The following ITGA9 variants were observed in gnomAD, a reference collection of about 807,000 sequenced individuals.
ITGA9 encodes integrin subunit alpha 9, also known as integrin alpha-9.
ITGA9 carries 56 observed loss-of-function variants against 127.8 expected under a neutral mutation model. The ratio of observed to expected loss-of-function variants is 0.44; its 90% CI spans 0.35 to 0.55. The LOEUF is 0.55. Ranked by LOEUF, ITGA9 falls within the 20% of genes least tolerant of loss-of-function variation. The pLI, the probability that ITGA9 is intolerant of heterozygous loss-of-function variation, is 0.00. For synonymous variants in ITGA9, 508 were observed against 514.5 expected, an observed-to-expected ratio of 0.99 and a Z score of 0.17; for missense variants, 1,196 against 1,347.1, an observed-to-expected ratio of 0.89 and a Z score of 1.76.
chr3:37,770,354 A>G (rs1028784257), intron 23 of ITGA9, among the ~76,000 whole-genome samples: 3 of 152,114 alleles, frequency 2.0e-5, no homozygotes, highest in African/African-American at 7.2e-5. Context: ...GACACTTAGA[A>G]AAAAGATCAG....
chr3:37,753,601 G>GT (rs1254415381), intron 23 of ITGA9: 1 of 152,256 alleles, frequency 6.6e-6, no homozygotes, highest in Non-Finnish European at 1.5e-5. Context: ...ATAGGCAAGA[G>GT]TAAGTGTTCC....
chr3:37,523,608 C>G lies in ITGA9; in HGVS notation c.1324C>G (p.Pro442Ala). The G allele has an allele frequency of 6.2e-7, 1 of 1,608,470 alleles. No homozygotes were observed. The highest frequency in any genetic ancestry group is 2.2e-5 in the East Asian group (1 of 44,844). ...GGIDMDGNGY[P>A]DVTVGAFMSD... Reference sequence around the variant, plus strand: ...CATTGATATGGATGGAAATGGCTATCCTGGTAAGCTGTTTTTCTTTAAAGG... The same window carrying G: ...CATTGATATGGATGGAAATGGCTATGCTGGTAAGCTGTTTTTCTTTAAAGG... The change falls in exon 12 of 28, where the codon CCT (proline) becomes GCT (alanine). Residue 442 changes from proline (P) to alanine (A), a missense_variant. By Grantham distance (27) the Pro-to-Ala change is conservative (BLOSUM62 -1). Coordinates refer to ENST00000264741, the MANE Select transcript of ITGA9 (RefSeq NM_002207.3).
intron 10 of ITGA9, among the ~76,000 whole-genome samples, chr3:37,518,092 G>A (rs1019059411): frequency 7.2e-5 from 10 of 138,584 alleles, no homozygotes; most frequent in Middle Eastern, 3.4e-3. Context: ...GAGAGTGTAC[G>A]CGTGTGTGTG....
intron 17 of ITGA9, among the ~76,000 whole-genome samples, chr3:37,669,099 G>T (rs1344143484): frequency 6.6e-6 from 1 of 152,218 alleles, no homozygotes; most frequent in Non-Finnish European, 1.5e-5. Flanking sequence ...TTATGAGCTT[G>T]CTTCCCTGAC....
chr3:37,472,325 T>C (rs1288966040), intron 2 of ITGA9, among the ~76,000 whole-genome samples: 2 of 152,252 alleles, frequency 1.3e-5, no homozygotes, highest in Non-Finnish European at 2.9e-5. Flanking sequence ...TATTTTGTTA[T>C]AATCATGACT....
At chr3:37,776,457 T>A (rs894652190) in intron 23 of ITGA9, among the ~76,000 whole-genome samples, 8 of 152,266 alleles carry the variant, frequency 5.3e-5, no homozygotes, top group African/African-American at 1.7e-4. Flanking sequence ...ATTTAACAGA[T>A]GCCTGTGGTT....
intron 16 of ITGA9, among the ~76,000 whole-genome samples, chr3:37,638,562 T>A (rs1700302914): frequency 6.6e-6 from 1 of 152,102 alleles, no homozygotes; most frequent in South Asian, 2.1e-4. Flanking sequence ...CTTTAACCTG[T>A]GTATATATAC....
At chr3:37,759,081 A>C (rs1385091962) in intron 23 of ITGA9, among the ~76,000 whole-genome samples, 1 of 150,906 alleles carries the variant, frequency 6.6e-6, no homozygotes, top group Non-Finnish European at 1.5e-5. Context: ...ATATACCCAC[A>C]CACACACACA....
intron 14 of ITGA9, among the ~76,000 whole-genome samples, chr3:37,539,740 G>T (rs546609427): frequency 6.6e-6 from 1 of 152,186 alleles, no homozygotes. Flanking sequence ...GCCCAGCCAA[G>T]TTGACACATA....
At chr3:37,696,160 C>T (rs759001099) in intron 18 of ITGA9, among the ~76,000 whole-genome samples, 7 of 152,198 alleles carry the variant, frequency 4.6e-5, no homozygotes, top group Non-Finnish European at 8.8e-5. Flanking sequence ...TGAATTTTCT[C>T]AGCTGGGCAC....
At position 37,762,410 on chromosome 3, in the gene ITGA9, G is replaced by T. The variant is rs1427073185; in HGVS notation, c.2541+11841G>T. ...AGGCTCAGAGCATGACCACAACCAG[G>T]TTTTAATGGCAAGACATGTCATGGG... On this transcript the variant is annotated intron_variant, in intron 23 of 27. Transcript: ENST00000264741. 2.6e-5 allele frequency among the ~76,000 whole-genome samples: 4 copies of T among 152,302 alleles called. No homozygotes were observed. The East Asian group carries it at 7.7e-4, about 29-fold the overall frequency.
intron 15 of ITGA9, among the ~76,000 whole-genome samples, chr3:37,612,281 AAAATACATAGAATT>A (rs1343865274): frequency 1.3e-5 from 2 of 152,200 alleles, no homozygotes; most frequent in Non-Finnish European, 1.5e-5. Context: ...TACATAGAAT[AAAATACATAGAATT>A]ACAAAGAAAT....
chr3:37,804,210 G>T (rs1697267742), intron 27 of ITGA9, among the ~76,000 whole-genome samples: 1 of 152,170 alleles, frequency 6.6e-6, no homozygotes, highest in Non-Finnish European at 1.5e-5. Context: ...AGGATGGTGA[G>T]AACCTAACTC....
intron 19 of ITGA9, among the ~76,000 whole-genome samples, chr3:37,734,385 A>G (rs1696332946): frequency 6.6e-6 from 1 of 152,246 alleles, no homozygotes; most frequent in African/African-American, 2.4e-5. Context: ...TAATAGGCTT[A>G]ACTGGAAAAC....
rs112498190 is a variant in ITGA9, at chr3:37,710,249, G to A, written c.2068-22463G>A. ...TCAGAAAGCTTGCAGTTTGCTCCAC[G>A]TTACAAAGCTAGTAAGTAGCAGAGC... On this transcript the variant is annotated intron_variant, in intron 18 of 27. Transcript: ENST00000264741. 1.4e-4 allele frequency among the ~76,000 whole-genome samples: 21 copies of A among 152,274 alleles called. 1 individual carries two copies. The highest frequency in any genetic ancestry group is 4.8e-4 in the African/African-American group (20 of 41,548).
At chr3:37,694,110 C>T (rs886922756) in intron 18 of ITGA9, among the ~76,000 whole-genome samples, 2 of 152,216 alleles carry the variant, frequency 1.3e-5, no homozygotes, top group African/African-American at 4.8e-5. Flanking sequence ...TCCTGTATAA[C>T]GCCAGGTAGA....
At chr3:37,512,857 C>T (rs1168025623) in intron 8 of ITGA9, among the ~76,000 whole-genome samples, 3 of 152,082 alleles carry the variant, frequency 2.0e-5, no homozygotes, top group African/African-American at 7.2e-5. Flanking sequence ...TGTCACTTGC[C>T]ACATTAATTT....
At chr3:37,467,421 C>T (rs1340343938) in intron 1 of ITGA9, among the ~76,000 whole-genome samples, 1 of 152,082 alleles carries the variant, frequency 6.6e-6, no homozygotes, top group African/African-American at 2.4e-5. Context: ...AAACTTTGTC[C>T]CTGTCAGTCT....
intron 15 of ITGA9, among the ~76,000 whole-genome samples, chr3:37,616,322 C>A (rs1051290015): frequency 7.9e-5 from 12 of 152,186 alleles, no homozygotes; most frequent in Non-Finnish European, 1.6e-4. Context: ...GCACTGTGGT[C>A]TGAGAGACAG....
Sources: allele counts gnomAD v4.1 joint callset (sites outside exome capture counted in the v4.1 genomes callset), GRCh38; gene constraint gnomAD v4.1.1; transcripts MANE v1.5; gene names NCBI Gene and HGNC (gene_info 2026-07-23, HGNC 2026-07-21).